Variants in STX8 observed in about 807,000 individuals in gnomAD.
STX8 encodes syntaxin-8.
A neutral mutation model predicts 37.5 loss-of-function variants in STX8; 23 were observed. The observed-to-expected ratio is 0.61, with a 90% CI of 0.44 to 0.87. The LOEUF (loss-of-function observed/expected upper bound fraction) is 0.87. Among genes scored for constraint, STX8 ranks in the 40% least tolerant of loss-of-function variants. STX8 has a pLI of 0.00. For missense variants in STX8, 313 were observed against 284.7 expected, an observed-to-expected ratio of 1.10 and a Z score of -0.71; for synonymous variants, 115 against 99.1, an observed-to-expected ratio of 1.16 and a Z score of -0.95.
chr17:9,335,934 T>C (rs551218084), intron 7 of STX8, among the ~76,000 whole-genome samples: 1 of 152,280 alleles, frequency 6.6e-6, no homozygotes, highest in East Asian at 1.9e-4. Flanking sequence ...GGGGGTTATA[T>C]GGCTATGTGT....
At chr17:9,411,947 G>A (rs952880837) in intron 6 of STX8, among the ~76,000 whole-genome samples, 1 of 152,128 alleles carries the variant, frequency 6.6e-6, no homozygotes, top group Non-Finnish European at 1.5e-5. Flanking sequence ...AAAAATGTTG[G>A]AAGTCACTGT....
chr17:9,392,786 T>C (rs1210361723), intron 6 of STX8, among the ~76,000 whole-genome samples: 2 of 152,010 alleles, frequency 1.3e-5, no homozygotes, highest in Non-Finnish European at 2.9e-5. Flanking sequence ...AGAATGGACA[T>C]GATACAGGAA....
chr17:9,417,114 T>A (rs149094380), intron 6 of STX8, among the ~76,000 whole-genome samples: 9 of 152,200 alleles, frequency 5.9e-5, no homozygotes, highest in African/African-American at 2.2e-4. Flanking sequence ...CCCACCAAAC[T>A]ATCCTTGAAA....
chr17:9,355,110 T>C (rs1249969348), intron 7 of STX8, among the ~76,000 whole-genome samples: 1 of 152,144 alleles, frequency 6.6e-6, no homozygotes, highest in African/African-American at 2.4e-5. Context: ...TGATTTGACA[T>C]GGGTCTTTTT....
At chr17:9,418,862 G>A (rs1457881684) in intron 6 of STX8, among the ~76,000 whole-genome samples, 7 of 141,996 alleles carry the variant, frequency 4.9e-5, no homozygotes, top group Non-Finnish European at 9.2e-5. Context: ...GGGGGAGGGA[G>A]AGGAACATTT....
intron 4 of STX8, among the ~76,000 whole-genome samples, chr17:9,544,254 A>T (rs1055241142): frequency 6.6e-6 from 1 of 152,188 alleles, no homozygotes; most frequent in African/African-American, 2.4e-5. Context: ...TCCCACGATG[A>T]AGCTAAGGAA....
At position 9,558,443 on chromosome 17, in the gene STX8, AG is replaced by A. The variant is rs148918033; in HGVS notation, c.118-916del. Among the ~76,000 whole-genome samples the A allele has an allele frequency of 8.5e-3, 1,297 of 152,310 alleles. 23 individuals are homozygous for A. The highest frequency in any genetic ancestry group is 0.029 in the African/African-American group (1,210 of 41,580). On this transcript the variant is annotated intron_variant, in intron 2 of 7. Transcript: ENST00000306357. Reference sequence around the variant, plus strand: ...CTCCAAGGCACCAGCAGCCAAGAAAAGTCTAACCTGAACTATCCCCATACCC... The same window carrying A: ...CTCCAAGGCACCAGCAGCCAAGAAAATCTAACCTGAACTATCCCCATACCC...
At position 9,418,842 on chromosome 17, in the gene STX8, G is replaced by A. The variant is rs9899903; in HGVS notation, c.542-40189C>T. 9.8e-3 allele frequency among the ~76,000 whole-genome samples: 1,363 copies of A among 139,598 alleles called. 13 individuals carry two copies. Among genetic ancestry groups the A allele is most frequent in the South Asian group, 0.031 (139 of 4,438 alleles). The allele number at this position is 139,598 out of a possible 152,430, so 91.6% of individuals were successfully genotyped here. On this transcript the variant is annotated intron_variant, in intron 6 of 7. Coordinates refer to ENST00000306357, the MANE Select transcript of STX8 (RefSeq NM_004853.3). ...ACTCCGTCTCAAAAAAAAAAAAAGG[G>A]GGGGGGGAAGGGGGAGGGAGAGGAA...
chr17:9,324,765 CAAAAAAAAAAAA>C (rs534392223), intron 7 of STX8, among the ~76,000 whole-genome samples: 5 of 45,944 alleles, frequency 1.1e-4, no homozygotes, highest in East Asian at 1.4e-3. Flanking sequence ...AACTCCATCT[CAAAAAAAAAAAA>C]AAAAAAAAAA....
intron 7 of STX8, among the ~76,000 whole-genome samples, chr17:9,271,361 T>C (rs376570220): frequency 6.6e-6 from 1 of 152,018 alleles, no homozygotes; most frequent in Non-Finnish European, 1.5e-5. Flanking sequence ...GGCTGAAGGA[T>C]GAGAATCGCT....
chr17:9,510,328 T>C lies in STX8; in HGVS notation c.324-5166A>G, dbSNP rs1904982943. Among the ~76,000 whole-genome samples, 11 of 152,288 alleles carry C rather than the reference T, an allele frequency of 7.2e-5. No homozygotes were observed. In the South Asian group the frequency reaches 2.3e-3, roughly 32 times the overall value. ...CATTTCACCCAACAGCTACAGAATA[T>C]ACATTCTTGTCAACAGCACATAGAA... On this transcript the variant is annotated intron_variant, in intron 4 of 7. Transcript: ENST00000306357.
chr17:9,275,209 C>G (rs1263344786), intron 7 of STX8, among the ~76,000 whole-genome samples: 7 of 152,138 alleles, frequency 4.6e-5, no homozygotes, highest in Non-Finnish European at 7.4e-5. Context: ...AGTGGTTCAC[C>G]CAGACCTCTG....
At chr17:9,565,414 G>A (rs185943242) in intron 2 of STX8, among the ~76,000 whole-genome samples, 1 of 152,076 alleles carries the variant, frequency 6.6e-6, no homozygotes, top group Non-Finnish European at 1.5e-5. Context: ...TCAGGATTTC[G>A]AGACCAGCCT....
intron 7 of STX8, among the ~76,000 whole-genome samples, chr17:9,337,528 C>T (rs1473906825): frequency 6.6e-6 from 1 of 151,996 alleles, no homozygotes; most frequent in Non-Finnish European, 1.5e-5. Context: ...CACCATGCCC[C>T]GCTAATTTTT....
At chr17:9,268,998 T>G (rs1045296473) in intron 7 of STX8, among the ~76,000 whole-genome samples, 4 of 152,074 alleles carry the variant, frequency 2.6e-5, no homozygotes, top group East Asian at 1.9e-4. Context: ...CCATCCTGGC[T>G]AAAACGGTGA....
chr17:9,573,976 A>C (rs967172329), intron 1 of STX8, among the ~76,000 whole-genome samples: 3 of 152,144 alleles, frequency 2.0e-5, no homozygotes, highest in African/African-American at 7.2e-5. Context: ...TTTGCAACAT[A>C]AGACAATTAT....
chr17:9,340,094 AC>A (rs2142229782), intron 7 of STX8, among the ~76,000 whole-genome samples: 1 of 152,376 alleles, frequency 6.6e-6, no homozygotes, highest in South Asian at 2.1e-4. Flanking sequence ...GTGAAAGATG[AC>A]CATGTCACAG....
chr17:9,532,990 C>G (rs773421133), intron 4 of STX8, among the ~76,000 whole-genome samples: 5 of 152,218 alleles, frequency 3.3e-5, no homozygotes, highest in African/African-American at 4.8e-5. Flanking sequence ...TTCAAATACT[C>G]CCTTTGTCAT....
chr17:9,399,048 CAA>C (rs376011880), intron 6 of STX8, among the ~76,000 whole-genome samples: 31,448 of 84,984 alleles, frequency 0.37, 3,326 homozygotes, highest in African/African-American at 0.46. Context: ...GACTCCAGCT[CAA>C]AAAAAAAAAA....
Sources: gnomAD v4.1 joint callset for allele counts (sites outside exome capture counted in the v4.1 genomes callset) on GRCh38, gnomAD v4.1.1 for gene constraint, MANE v1.5 for transcripts, NCBI Gene and HGNC (gene_info 2026-07-23, HGNC 2026-07-21) for gene names.